Variants in CEP120 observed in about 807,000 individuals in gnomAD.
CEP120 encodes centrosomal protein of 120 kDa.
Under a neutral mutation model 126.5 loss-of-function variants are expected in CEP120, and 113 were observed. That is an observed-to-expected ratio of 0.89 (90% confidence interval 0.77 to 1.04). CEP120 has a LOEUF of 1.04. Among genes scored for constraint, CEP120 ranks in the 50% least tolerant of loss-of-function variants. CEP120 has a pLI of 0.00. For missense variants in CEP120, 1,230 were observed against 1,155.7 expected (o/e 1.06, Z -0.93); for synonymous variants, 400 against 394.3 (o/e 1.01, Z -0.17).
intron 1 of CEP120, among the ~76,000 whole-genome samples, chr5:123,420,410 T>G (rs1774645278): frequency 6.6e-6 from 1 of 152,176 alleles, no homozygotes; most frequent in South Asian, 2.1e-4. Flanking sequence ...GCTTAACCAT[T>G]TTCTTTTAAA....
At chr5:123,383,716 T>C (rs1050031280) in intron 11 of CEP120, among the ~76,000 whole-genome samples, 1 of 152,138 alleles carries the variant, frequency 6.6e-6, no homozygotes, top group African/African-American at 2.4e-5. Context: ...GCAATGCTTC[T>C]AGGATAATTA....
intron 16 of CEP120, among the ~76,000 whole-genome samples, chr5:123,374,490 A>T (rs879017812): frequency 1.3e-5 from 2 of 152,048 alleles, no homozygotes; most frequent in African/African-American, 4.8e-5. Flanking sequence ...GTTTTTTTTT[A>T]AATGCGAACA....
rs532276539 is a variant in CEP120, at chr5:123,362,944, T to A, written c.2580+1552A>T. Among the ~76,000 whole-genome samples the A allele has an allele frequency of 1.6e-3, 248 of 151,778 alleles. 1 individual carries two copies. Among genetic ancestry groups the A allele is most frequent in the African/African-American group, 5.7e-3 (238 of 41,502 alleles). On this transcript the variant is annotated intron_variant, in intron 18 of 19. Coordinates refer to ENST00000306467, the MANE Select transcript of CEP120 (RefSeq NM_001375405.1). ...CCAAACAGCTTTTTAGTAACTGTAT[T>A]TCCAAAACTGGACCAGACACTGAAG...
intron 1 of CEP120, among the ~76,000 whole-genome samples, chr5:123,419,225 T>C (rs1774563667): frequency 1.3e-5 from 2 of 152,354 alleles, no homozygotes; most frequent in Admixed American, 6.5e-5. Flanking sequence ...AAACACTTAA[T>C]GTGATTACAC....
intron 3 of CEP120, among the ~76,000 whole-genome samples, chr5:123,414,510 A>T (rs1321312805): frequency 1.3e-5 from 2 of 152,244 alleles, no homozygotes; most frequent in Admixed American, 1.3e-4. Context: ...ATCCCAATTT[A>T]AGATTCAAAT....
At chr5:123,346,855 A>C in intron 19 of CEP120, 102 bp from the exon 20 acceptor site, 1 of 882,464 alleles carries the variant, frequency 1.1e-6, no homozygotes, top group Non-Finnish European at 1.6e-6. Context: ...GGTTTTAGTA[A>C]TATTTTCAGG....
intron 16 of CEP120, among the ~76,000 whole-genome samples, chr5:123,373,633 A>T (rs17408002): frequency 0.4 from 61,070 of 151,840 alleles, 12,426 homozygotes; most frequent in East Asian, 0.48. Flanking sequence ...TGGGATACAG[A>T]TGGAAGGATG....
chr5:123,354,519 T>C (rs528661627), intron 18 of CEP120, among the ~76,000 whole-genome samples: 1 of 152,094 alleles, frequency 6.6e-6, no homozygotes, highest in Non-Finnish European at 1.5e-5. Flanking sequence ...TAGATTTACC[T>C]ATTTCTCTTT....
intron 17 of CEP120, among the ~76,000 whole-genome samples, chr5:123,369,609 C>G (rs550595788): frequency 1.3e-5 from 2 of 151,906 alleles, no homozygotes; most frequent in Non-Finnish European, 2.9e-5. Flanking sequence ...CAGCTGTTCC[C>G]AGGACACACC....
chr5:123,374,938 T>C (rs1771102782), intron 16 of CEP120, among the ~76,000 whole-genome samples: 1 of 152,126 alleles, frequency 6.6e-6, no homozygotes, highest in Admixed American at 6.5e-5. Flanking sequence ...ATCCACAAAC[T>C]ACAGATTTGA....
At chr5:123,389,752 G>A (rs1458259590) in intron 8 of CEP120, among the ~76,000 whole-genome samples, 172 bp downstream of exon 8, 2 of 152,218 alleles carry the variant, frequency 1.3e-5, no homozygotes, top group South Asian at 2.1e-4. Context: ...CACCTGCCTC[G>A]GTCTTCCAAA....
intron 19 of CEP120, among the ~76,000 whole-genome samples, chr5:123,347,254 G>T (rs1232636283): frequency 6.6e-6 from 1 of 151,712 alleles, no homozygotes; most frequent in Admixed American, 6.6e-5. Flanking sequence ...CATCATTTGG[G>T]GTATCATCAT....
At position 123,393,810 on chromosome 5, in the gene CEP120, C is replaced by A. The variant is rs1772569866; in HGVS notation, c.613-313G>T. ...GAAGAAAGAGATTAAATATTTCAAA[C>A]TGAGCTTTCCTTATTTTCACATATT... On this transcript the variant is annotated intron_variant, in intron 5 of 19. Coordinates refer to ENST00000306467, the MANE Select transcript of CEP120 (RefSeq NM_001375405.1). Among the ~76,000 whole-genome samples, 3 of 152,198 alleles carry A rather than the reference C, an allele frequency of 2.0e-5. No homozygotes were observed. The South Asian group carries it at 6.2e-4, about 31-fold the overall frequency.
chr5:123,357,262 A>T (rs1769705498), intron 18 of CEP120, among the ~76,000 whole-genome samples: 1 of 151,960 alleles, frequency 6.6e-6, no homozygotes, highest in East Asian at 1.9e-4. Flanking sequence ...AGGTAGGCTT[A>T]CTTTGTATTT....
At chr5:123,385,239 T>C (rs1771939524) in intron 10 of CEP120, 106 bp from the exon 11 acceptor site, 2 of 809,356 alleles carry the variant, frequency 2.5e-6, no homozygotes, top group Non-Finnish European at 3.8e-6. Context: ...TGTTTTTTGT[T>C]ACCTGGAATG....
intron 3 of CEP120, among the ~76,000 whole-genome samples, chr5:123,413,279 AAAT>A (rs774615548): frequency 1.8e-4 from 28 of 151,910 alleles, no homozygotes; most frequent in African/African-American, 6.3e-4. Context: ...TCGCAAAAAA[AAAT>A]AATAATAATA....
At position 123,423,291 on chromosome 5, in the gene CEP120, C is replaced by T. The variant is rs1217337803; in HGVS notation, c.-293G>A. 2.3e-6 allele frequency: 1 copy of T among 444,444 alleles called. No individual in the cohort carries two copies. The highest frequency in any genetic ancestry group is 2.1e-5 in the African/African-American group (1 of 48,012). 27.5% of individuals were successfully genotyped at this position (444,444 alleles called of 1,614,324 possible). A position where few individuals can be genotyped will look rare whatever the true frequency, so the allele number is the denominator to read the frequency against. On this transcript the variant is annotated 5_prime_UTR_variant, in exon 1 of 20. Coordinates refer to ENST00000306467, the MANE Select transcript of CEP120 (RefSeq NM_001375405.1). ...CCGCCACCCGAGGACCTTTTGCCGCCTGCGTAGCCGCTTTTCAAACGCCCG... is the reference window on the plus strand; with the variant it reads ...CCGCCACCCGAGGACCTTTTGCCGCTTGCGTAGCCGCTTTTCAAACGCCCG...
chr5:123,423,034 G>C lies in CEP120; in HGVS notation c.-36C>G. 6.3e-7 allele frequency: 1 copy of C among 1,594,698 alleles called. No individual in the cohort carries two copies. The highest frequency in any genetic ancestry group is 8.6e-7 in the Non-Finnish European group (1 of 1,162,880). The stretch of plus-strand genomic sequence containing the variant: ...AGCGGTCCGGGGGCGAAGGCGGCTG[G>C]GGGGAAGTGAGGTCCAGTTGAGTCG... On this transcript the variant is annotated 5_prime_UTR_variant, in exon 1 of 20. Transcript: ENST00000306467.
intron 16 of CEP120, among the ~76,000 whole-genome samples, chr5:123,374,426 T>C (rs1307264801): frequency 6.6e-6 from 1 of 152,128 alleles, no homozygotes; most frequent in Non-Finnish European, 1.5e-5. Context: ...AAATTTCTCT[T>C]AGAACAGTTT....
Sources: allele counts gnomAD v4.1 joint callset (sites outside exome capture counted in the v4.1 genomes callset), GRCh38; gene constraint gnomAD v4.1.1; transcripts MANE v1.5; gene names NCBI Gene and HGNC (gene_info 2026-07-23, HGNC 2026-07-21).